The following HHAT variants were observed in gnomAD, a reference collection of about 807,000 sequenced individuals.
The protein encoded by HHAT is hedgehog acyltransferase.
HHAT carries 47 observed loss-of-function variants against 70.8 expected under a neutral mutation model. That is an observed-to-expected ratio of 0.66 (90% CI 0.53 to 0.85). The LOEUF (loss-of-function observed/expected upper bound fraction) is 0.85. Ranked by LOEUF, HHAT falls within the 40% of genes least tolerant of loss-of-function variation. The pLI is 0.00. For synonymous variants in HHAT, 228 were observed against 247.6 expected, an observed-to-expected ratio of 0.92 and a Z score of 0.74; for missense variants, 609 against 604.8, an observed-to-expected ratio of 1.01 and a Z score of -0.07.
intron 9 of HHAT, among the ~76,000 whole-genome samples, chr1:210,523,055 T>A (rs887801292): frequency 1.3e-5 from 2 of 152,002 alleles, no homozygotes; most frequent in African/African-American, 4.8e-5. Flanking sequence ...CTCTTCCCAG[T>A]CCCCTCACCT....
intron 3 of HHAT, among the ~76,000 whole-genome samples, chr1:210,367,912 C>T (rs934563628): frequency 1.5e-5 from 2 of 132,034 alleles, no homozygotes; most frequent in African/African-American, 2.8e-5. Flanking sequence ...GCCCCTCCCC[C>T]ACCCCCCACC....
intron 9 of HHAT, among the ~76,000 whole-genome samples, chr1:210,514,193 A>C (rs903648478): frequency 6.6e-6 from 1 of 152,164 alleles, no homozygotes. Context: ...GAGGCCATGC[A>C]TACCTTGTCC....
chr1:210,437,470 C>A (rs557956623), intron 7 of HHAT, among the ~76,000 whole-genome samples: 6 of 151,864 alleles, frequency 4.0e-5, no homozygotes, highest in Non-Finnish European at 8.8e-5. Flanking sequence ...CAGCCTGATA[C>A]CAGAATATGG....
chr1:210,541,049 C>T (rs2095425610), intron 9 of HHAT, among the ~76,000 whole-genome samples: 1 of 152,170 alleles, frequency 6.6e-6, no homozygotes, highest in Non-Finnish European at 1.5e-5. Flanking sequence ...CCCTGTTGCC[C>T]AGTCTGGTCT....
intron 8 of HHAT, among the ~76,000 whole-genome samples, chr1:210,505,143 C>A (rs1478517793): frequency 6.6e-6 from 1 of 152,140 alleles, no homozygotes; most frequent in Non-Finnish European, 1.5e-5. Flanking sequence ...AGGTGATACA[C>A]CCGCCTCGGC....
intron 9 of HHAT, among the ~76,000 whole-genome samples, chr1:210,558,543 G>A (rs1573311790): frequency 6.6e-6 from 1 of 152,138 alleles, no homozygotes; most frequent in African/African-American, 2.4e-5. Context: ...AAGGGGGAAG[G>A]GATAGGGAAG....
At chr1:210,529,530 G>A (rs1001501744) in intron 9 of HHAT, among the ~76,000 whole-genome samples, 5 of 152,066 alleles carry the variant, frequency 3.3e-5, no homozygotes, top group African/African-American at 9.7e-5. Context: ...CTAGCCTTAC[G>A]TACTCTGCCT....
intron 10 of HHAT, among the ~76,000 whole-genome samples, chr1:210,612,381 C>G (rs1167331599): frequency 3.3e-5 from 5 of 152,104 alleles, no homozygotes; most frequent in Non-Finnish European, 7.4e-5. Context: ...TTTTAGGTAT[C>G]TTATATAAAT....
intron 9 of HHAT, among the ~76,000 whole-genome samples, chr1:210,572,210 T>C: frequency 6.6e-6 from 1 of 152,204 alleles, no homozygotes; most frequent in South Asian, 2.1e-4. Context: ...ATAATTATGG[T>C]AAATGAGAGG....
chr1:210,436,973 A>G (rs559344800), intron 7 of HHAT, among the ~76,000 whole-genome samples: 41 of 152,000 alleles, frequency 2.7e-4, no homozygotes, highest in Middle Eastern at 3.4e-3. Flanking sequence ...CCTCTAACCA[A>G]GCACATCACA....
intron 9 of HHAT, among the ~76,000 whole-genome samples, chr1:210,578,756 C>T (rs980954350): frequency 6.6e-6 from 1 of 152,104 alleles, no homozygotes; most frequent in Non-Finnish European, 1.5e-5. Flanking sequence ...CAGTTATATA[C>T]ATAAGGCTAT....
At chr1:210,493,837 G>A (rs549108531) in intron 8 of HHAT, among the ~76,000 whole-genome samples, 8 of 152,176 alleles carry the variant, frequency 5.3e-5, no homozygotes, top group South Asian at 2.1e-4. Flanking sequence ...TAAACTTACC[G>A]GTTCCTTGCA....
At chr1:210,542,000 G>A (rs2095435378) in intron 9 of HHAT, among the ~76,000 whole-genome samples, 1 of 152,198 alleles carries the variant, frequency 6.6e-6, no homozygotes, top group Admixed American at 6.5e-5. Flanking sequence ...CTGAATGGGG[G>A]ATAACTGGCC....
At chr1:210,498,949 T>G (rs1285563636) in intron 8 of HHAT, among the ~76,000 whole-genome samples, 1 of 152,074 alleles carries the variant, frequency 6.6e-6, no homozygotes, top group Non-Finnish European at 1.5e-5. Flanking sequence ...TTTGTATTTT[T>G]GGTAGAGACC....
chr1:210,460,127 G>T (rs2093949819), intron 7 of HHAT, among the ~76,000 whole-genome samples: 1 of 152,142 alleles, frequency 6.6e-6, no homozygotes, highest in Admixed American at 6.5e-5. Context: ...CATTCCAAGG[G>T]GTAGGAAGTG....
chr1:210,372,830 G>T (rs1243549402), intron 3 of HHAT, among the ~76,000 whole-genome samples: 4 of 151,364 alleles, frequency 2.6e-5, no homozygotes, highest in Admixed American at 6.6e-5. Flanking sequence ...AAAGTGTTGG[G>T]ATTACAGGCG....
chr1:210,621,915 G>A (rs1668913858), intron 10 of HHAT, among the ~76,000 whole-genome samples: 1 of 152,208 alleles, frequency 6.6e-6, no homozygotes, highest in South Asian at 2.1e-4. Flanking sequence ...CCACAGTGAT[G>A]TTGGAGCAGA....
intron 6 of HHAT, among the ~76,000 whole-genome samples, chr1:210,410,317 A>C (rs1365664809): frequency 1.3e-5 from 2 of 151,712 alleles, no homozygotes; most frequent in Non-Finnish European, 2.9e-5. Context: ...TGGCCTCCCA[A>C]AGTGCTGGGA....
chr1:210,637,934 A>T (rs1341188660), intron 11 of HHAT, among the ~76,000 whole-genome samples: 2 of 152,174 alleles, frequency 1.3e-5, no homozygotes, highest in Non-Finnish European at 2.9e-5. Flanking sequence ...ATTAATAAGC[A>T]CATGAAAAGA....
Sources: gnomAD v4.1 joint callset for allele counts (sites outside exome capture counted in the v4.1 genomes callset) on GRCh38, gnomAD v4.1.1 for gene constraint, MANE v1.5 for transcripts, NCBI Gene and HGNC (gene_info 2026-07-23, HGNC 2026-07-21) for gene names.